KLF14: variants seen among roughly 807,000 people sequenced by gnomAD.
KLF14 encodes the protein Krueppel-like factor 14.
KLF14 carries 13 observed loss-of-function variants against 16.2 expected under a neutral mutation model. That is an observed-to-expected ratio of 0.80 (90% confidence interval 0.52 to 1.28). The LOEUF is 1.28. Among genes scored for constraint, KLF14 ranks in the 50% most tolerant of loss-of-function variants. KLF14 has a pLI of 0.00. For synonymous variants in KLF14, 276 were observed against 233.7 expected (o/e 1.18, Z -1.65); for missense variants, 571 against 493.4 (o/e 1.16, Z -1.49).
At position 130,732,141 on chromosome 7, in the gene KLF14, T is replaced by C. The variant is rs902246412; in HGVS notation, c.*921A>G. 3.3e-5 allele frequency: 5 copies of C among 152,268 alleles called. No individual in the cohort carries two copies. The highest frequency in any genetic ancestry group is 4.8e-5 in the African/African-American group (2 of 41,458). 9.4% of individuals were successfully genotyped at this position (152,268 alleles called of 1,614,324 possible). ...CACGCCTCTATTTCCCTGAAAGTTA[T>C]CAATGGTTATGAGCGGTCTTGTTTC... On this transcript the variant is annotated 3_prime_UTR_variant, in exon 1 of 1. Coordinates refer to ENST00000583337, the MANE Select transcript of KLF14 (RefSeq NM_138693.4).
At position 130,733,945 on chromosome 7, in the gene KLF14, G is replaced by C. The variant is rs1366689775; in HGVS notation, c.89C>G (p.Pro30Arg). 4 of 1,363,128 alleles carry C rather than the reference G, an allele frequency of 2.9e-6. No individual in the cohort carries two copies. Among genetic ancestry groups the C allele is most frequent in the Non-Finnish European group, 3.8e-6 (4 of 1,054,802 alleles). 84.4% of individuals were successfully genotyped at this position (1,363,128 alleles called of 1,614,324 possible). A position where few individuals can be genotyped will look rare whatever the true frequency, so the allele number is the denominator to read the frequency against. Residue 30 changes from proline to arginine, a missense_variant, in exon 1 of 1, where the codon CCG (proline) becomes CGG (arginine). Coordinates refer to ENST00000583337, the MANE Select transcript of KLF14 (RefSeq NM_138693.4). This position sits in a 1 kb window ranked among gnomAD's most constrained non-coding sequence, Gnocchi z 5.2. Reference protein sequence around the residue: ...SAGAVVHRRPPDPEGAGGAAG... With the variant: ...SAGAVVHRRPRDPEGAGGAAG... ...GGCTCCACCCGCGCCCTCGGGGTCC[G>C]GCGGGCGGCGGTGAACCACGGCGCC...
In KLF14 at chr7:130,733,322, G is replaced by T; in HGVS notation, c.712C>A (p.Arg238Ser). ...DWLDCDKKFTRSDELARHYRT... is the reference protein window; with the variant it reads ...DWLDCDKKFTSSDELARHYRT... ...TAGTGGCGGGCCAGCTCGTCGGAAC[G>T]CGTAAACTTCTTGTCGCAGTCGAGC... The change falls in exon 1 of 1, where the codon CGT (arginine) becomes AGT (serine). Residue 238 changes from arginine (R) to serine (S), a missense_variant. Physicochemically the swap from Arg to Ser is moderately radical, Grantham distance 110 (BLOSUM62 -1). Coordinates refer to ENST00000583337, the MANE Select transcript of KLF14 (RefSeq NM_138693.4). The surrounding 1 kb of genome is among the most constrained non-coding windows in gnomAD (Gnocchi z 5.2). 6.2e-7 allele frequency: 1 copy of T among 1,610,298 alleles called. No homozygotes were observed.
rs143448341 is a variant in KLF14 at position 130,731,038 on chromosome 7, C to T, written c.*2024G>A. ...TAGCCTTCATTAGGAAATACTGAAC[C>T]TCTTCAGGGTCATAGGCCATACTCT... On this transcript the variant is annotated 3_prime_UTR_variant, in exon 1 of 1. Transcript: ENST00000583337. Among the ~76,000 whole-genome samples, 1 of 152,306 alleles carries T rather than the reference C, an allele frequency of 6.6e-6. No homozygotes were observed. The highest frequency in any genetic ancestry group is 1.5e-5 in the Non-Finnish European group (1 of 68,032).
Position 130,733,614 on chromosome 7 carries a change from A to G in KLF14, c.420T>C (p.Ala140=), listed in dbSNP as rs1554470976. ...CGGGCGCATCGGAGGAGCTCTCGGG[A>G]GCGCAGACCGCCGCGGCGCCGGAGG... ...APASGAAAVC[A]PESSSDAPAV... The change falls in exon 1 of 1, where the codon GCT becomes GCC. Residue 140 remains alanine, a synonymous_variant. Coordinates refer to ENST00000583337, the MANE Select transcript of KLF14 (RefSeq NM_138693.4). This position sits in a 1 kb window ranked among gnomAD's most constrained non-coding sequence, Gnocchi z 5.2. 1.3e-6 allele frequency: 2 copies of G among 1,540,014 alleles called. No homozygotes were observed. The highest frequency in any genetic ancestry group is 1.2e-5 in the South Asian group (1 of 83,102).
Position 130,733,357 on chromosome 7 carries a change from G to A in KLF14, c.677C>T (p.Ser226Phe), listed in dbSNP as rs782804960. The A allele has an allele frequency of 1.9e-6, 3 of 1,614,032 alleles. No homozygotes were observed. Among genetic ancestry groups the A allele is most frequent in the South Asian group, 1.1e-5 (1 of 91,054 alleles). ...QRTHTGERPF[S>F]CDWLDCDKKF... ...CTTGTCGCAGTCGAGCCAGTCGCAG[G>A]AGAAAGGGCGCTCACCCGTGTGGGT... The change falls in exon 1 of 1, where the codon TCC becomes TTC. Residue 226 changes from serine to phenylalanine, a missense_variant. Ser to Phe is a radical substitution (Grantham distance 155, BLOSUM62 -2). Coordinates refer to ENST00000583337, the MANE Select transcript of KLF14 (RefSeq NM_138693.4). The surrounding 1 kb of genome is among the most constrained non-coding windows in gnomAD (Gnocchi z 5.2).
Position 130,733,305 on chromosome 7 carries a change from G to A in KLF14, c.729C>T (p.Ala243=). The change falls in exon 1 of 1, where the codon GCC becomes GCT. Residue 243 remains alanine (A), a synonymous_variant. Transcript: ENST00000583337. The surrounding 1 kb of genome is among the most constrained non-coding windows in gnomAD (Gnocchi z 5.2). ...DKKFTRSDEL[A]RHYRTHTGEK... ...CGCCCGTGTGCGTCCTGTAGTGGCG[G>A]GCCAGCTCGTCGGAACGCGTAAACT... is the stretch of plus-strand genomic sequence containing the variant. The A allele has an allele frequency of 6.2e-7, 1 of 1,609,068 alleles. No homozygotes were observed. The highest frequency in any genetic ancestry group is 8.5e-7 in the Non-Finnish European group (1 of 1,178,082).
chr7:130,732,753 T>G lies in KLF14; in HGVS notation c.*309A>C. On this transcript the variant is annotated 3_prime_UTR_variant, in exon 1 of 1. Coordinates refer to ENST00000583337, the MANE Select transcript of KLF14 (RefSeq NM_138693.4). ...GAGAATTCCAGTTTCACATCCCTGGTTCCAGGGAGGGGAGAATCTTCAGTA... is the reference window on the plus strand; with the variant it reads ...GAGAATTCCAGTTTCACATCCCTGGGTCCAGGGAGGGGAGAATCTTCAGTA... 1 of 263,210 alleles carries G rather than the reference T, an allele frequency of 3.8e-6. No individual in the cohort carries two copies. Among genetic ancestry groups the G allele is most frequent in the Non-Finnish European group, 7.3e-6 (1 of 137,902 alleles). 16.3% of individuals were successfully genotyped at this position (263,210 alleles called of 1,614,324 possible).
In KLF14 at chr7:130,730,835, T is replaced by G. The variant is rs1554470470; in HGVS notation, c.*2227A>C. Among the ~76,000 whole-genome samples, 1 of 152,162 alleles carries G rather than the reference T, an allele frequency of 6.6e-6. No individual in the cohort carries two copies. ...ACTTACCCAATGGCAGATCTTCAAC[T>G]GAAAAGGACAAAGAGGAAACAGTAG... On this transcript the variant is annotated 3_prime_UTR_variant, in exon 1 of 1. Coordinates refer to ENST00000583337, the MANE Select transcript of KLF14 (RefSeq NM_138693.4).
chr7:130,733,734 G>A lies in KLF14; in HGVS notation c.300C>T (p.Ser100=), dbSNP rs1416813970. 6.5e-7 allele frequency: 1 copy of A among 1,549,630 alleles called. No homozygotes were observed. Among genetic ancestry groups the A allele is most frequent in the Non-Finnish European group, 8.7e-7 (1 of 1,154,770 alleles). ...ADLRGSSGEG[S]WENSGEAPRA... ...GTGGAGCTTCCCCCGAGTTCTCCCAGGAGCCCTCGCCAGAGCTGCCGCGCA... is the reference window on the plus strand; with the variant it reads ...GTGGAGCTTCCCCCGAGTTCTCCCAAGAGCCCTCGCCAGAGCTGCCGCGCA... Residue 100 remains serine, a synonymous_variant, in exon 1 of 1, where the codon TCC becomes TCT. Transcript: ENST00000583337. This position sits in a 1 kb window ranked among gnomAD's most constrained non-coding sequence, Gnocchi z 5.2.
chr7:130,733,145 C>A lies in KLF14; in HGVS notation c.889G>T (p.Asp297Tyr), dbSNP rs1311653588. The A allele has an allele frequency of 1.9e-6, 3 of 1,571,258 alleles. No individual in the cohort carries two copies. The highest frequency in any genetic ancestry group is 1.7e-6 in the Non-Finnish European group (2 of 1,157,614). Residue 297 changes from aspartate (D) to tyrosine (Y), a missense_variant, in exon 1 of 1, where the codon GAC becomes TAC. By Grantham distance (160) the Asp-to-Tyr change is radical (BLOSUM62 -3). Coordinates refer to ENST00000583337, the MANE Select transcript of KLF14 (RefSeq NM_138693.4). The surrounding 1 kb of genome is among the most constrained non-coding windows in gnomAD (Gnocchi z 5.2). Reference protein sequence around the residue: ...YRGRRRTPRIDPPLTSEVESS... With the variant: ...YRGRRRTPRIYPPLTSEVESS... ...TCCACCTCGCTGGTGAGTGGCGGGT[C>A]GATGCGGGGAGTTCGACGACGTCCC... is the stretch of plus-strand genomic sequence containing the variant.
rs1554470881 is a variant in KLF14, at chr7:130,733,427, T to C, written c.607A>G (p.Thr203Ala). 1.2e-6 allele frequency: 2 copies of C among 1,614,062 alleles called. No individual in the cohort carries two copies. The highest frequency in any genetic ancestry group is 4.5e-5 in the East Asian group (2 of 44,854). ...TGCGACGACTTGTAATAGGCTTTGG[T>C]GCAGCCCGGGAAGGGGCATTGGTGG... ...KRHQCPFPGC[T>A]KAYYKSSHLK... is the part of the protein sequence containing the mutation. Residue 203 changes from threonine to alanine, a missense_variant, in exon 1 of 1, where the codon ACC becomes GCC. Coordinates refer to ENST00000583337, the MANE Select transcript of KLF14 (RefSeq NM_138693.4). This position sits in a 1 kb window ranked among gnomAD's most constrained non-coding sequence, Gnocchi z 5.2.
chr7:130,733,755 G>T lies in KLF14; in HGVS notation c.279C>A (p.Arg93=). Residue 93 remains arginine, a synonymous_variant, in exon 1 of 1, where the codon CGC becomes CGA. Transcript: ENST00000583337. The surrounding 1 kb of genome is among the most constrained non-coding windows in gnomAD (Gnocchi z 5.2). ...CCCAGGAGCCCTCGCCAGAGCTGCC[G>T]CGCAAGTCCGCCCAGACGCTTGCAG... is the stretch of plus-strand genomic sequence containing the variant. ...LLAASVWADL[R]GSSGEGSWEN... 1 of 1,531,712 alleles carries T rather than the reference G, an allele frequency of 6.5e-7. No individual in the cohort carries two copies. Among genetic ancestry groups the T allele is most frequent in the Non-Finnish European group, 8.7e-7 (1 of 1,146,838 alleles). 94.9% of individuals were successfully genotyped at this position (1,531,712 alleles called of 1,614,324 possible).
chr7:130,733,894 G>T lies in KLF14; in HGVS notation c.140C>A (p.Pro47Gln), dbSNP rs184537657. Residue 47 changes from proline to glutamine, a missense_variant, in exon 1 of 1, where the codon CCG (proline) becomes CAG (glutamine). By Grantham distance (76) the Pro-to-Gln change is moderately conservative. Transcript: ENST00000583337. This position sits in a 1 kb window ranked among gnomAD's most constrained non-coding sequence, Gnocchi z 5.2. ...CGGACCCGGCAGAGCGGACTCCGGC[G>T]GCGCCGCACCCACCTCCGAGCCAGC... ...GAAGSEVGAA[P>Q]PESALPGPGP... 1,065,906 of 1,332,212 alleles carry T rather than the reference G, an allele frequency of 0.8. 427,927 individuals carry two copies. The highest frequency in any genetic ancestry group is 0.83 in the South Asian group (44,432 of 53,778). 82.5% of individuals were successfully genotyped at this position (1,332,212 alleles called of 1,614,324 possible).
rs557379838 is a variant in KLF14, at chr7:130,732,877, C to A, written c.*185G>T. The A allele has an allele frequency of 8.6e-6, 6 of 696,770 alleles. No individual in the cohort carries two copies. Among genetic ancestry groups the A allele is most frequent in the African/African-American group, 3.6e-5 (2 of 55,854 alleles). 43.2% of individuals were successfully genotyped at this position (696,770 alleles called of 1,614,324 possible). On this transcript the variant is annotated 3_prime_UTR_variant, in exon 1 of 1. Coordinates refer to ENST00000583337, the MANE Select transcript of KLF14 (RefSeq NM_138693.4). ...GATGATATACACGTTGCAAGAATTC[C>A]CGCTATTTTCCGGCCCCCAGTACCT... is the stretch of plus-strand genomic sequence containing the variant.
rs1797216239 is a variant in KLF14 at position 130,732,942 on chromosome 7, C to T, written c.*120G>A. On this transcript the variant is annotated 3_prime_UTR_variant, in exon 1 of 1. Transcript: ENST00000583337. Reference sequence around the variant, plus strand: ...TGTCTGCCTGGACCCACCCTCAGAGCAGAGGAACCAGTCTGTGCCTTGGTG... The same window carrying T: ...TGTCTGCCTGGACCCACCCTCAGAGTAGAGGAACCAGTCTGTGCCTTGGTG... 2 of 1,295,624 alleles carry T rather than the reference C, an allele frequency of 1.5e-6. No homozygotes were observed. Among genetic ancestry groups the T allele is most frequent in the Admixed American group, 2.8e-5 (1 of 35,286 alleles). The allele number at this position is 1,295,624 out of a possible 1,614,324, so 80.3% of individuals were successfully genotyped here.
chr7:130,732,182 T>C lies in KLF14; in HGVS notation c.*880A>G, dbSNP rs1005938779. 6.6e-6 allele frequency: 1 copy of C among 152,280 alleles called. No individual in the cohort carries two copies. Among genetic ancestry groups the C allele is most frequent in the Non-Finnish European group, 1.5e-5 (1 of 68,078 alleles). The allele number at this position is 152,280 out of a possible 1,614,324, so 9.4% of individuals were successfully genotyped here. On this transcript the variant is annotated 3_prime_UTR_variant, in exon 1 of 1. Coordinates refer to ENST00000583337, the MANE Select transcript of KLF14 (RefSeq NM_138693.4). Reference sequence around the variant, plus strand: ...GTCTTGTTTCGGGCCCCGCCCAAACTTAAGGTCGCTTGAGTTTTCTCTCTG... The same window carrying C: ...GTCTTGTTTCGGGCCCCGCCCAAACCTAAGGTCGCTTGAGTTTTCTCTCTG...
At position 130,732,166 on chromosome 7, in the gene KLF14, CG is replaced by C. The variant is rs1249444926; in HGVS notation, c.*895del. On this transcript the variant is annotated 3_prime_UTR_variant, in exon 1 of 1. Transcript: ENST00000583337. ...TCAATGGTTATGAGCGGTCTTGTTT[CG>C]GGCCCCGCCCAAACTTAAGGTCGCT... The C allele has an allele frequency of 6.6e-6, 1 of 152,264 alleles. No individual in the cohort carries two copies. The highest frequency in any genetic ancestry group is 1.5e-5 in the Non-Finnish European group (1 of 68,078). 9.4% of individuals were successfully genotyped at this position (152,264 alleles called of 1,614,324 possible).
chr7:130,733,743 G>A lies in KLF14; in HGVS notation c.291C>T (p.Gly97=), dbSNP rs1554471056. The part of the protein sequence containing the change: ...SVWADLRGSS[G]EGSWENSGEA... The stretch of plus-strand genomic sequence containing the variant: ...CCCCCGAGTTCTCCCAGGAGCCCTC[G>A]CCAGAGCTGCCGCGCAAGTCCGCCC... Residue 97 remains glycine, a synonymous_variant, in exon 1 of 1, where the codon GGC becomes GGT. Transcript: ENST00000583337. This position sits in a 1 kb window ranked among gnomAD's most constrained non-coding sequence, Gnocchi z 5.2. 3 of 1,539,200 alleles carry A rather than the reference G, an allele frequency of 1.9e-6. No homozygotes were observed. In the South Asian group the frequency reaches 3.6e-5, roughly 18 times the overall value.
rs1366689775 is a variant in KLF14, at chr7:130,733,945, G to A, written c.89C>T (p.Pro30Leu). 5.9e-6 allele frequency: 8 copies of A among 1,363,120 alleles called. No individual in the cohort carries two copies. The highest frequency in any genetic ancestry group is 7.6e-6 in the Non-Finnish European group (8 of 1,054,796). 84.4% of individuals were successfully genotyped at this position (1,363,120 alleles called of 1,614,324 possible). ...GGCTCCACCCGCGCCCTCGGGGTCC[G>A]GCGGGCGGCGGTGAACCACGGCGCC... is the stretch of plus-strand genomic sequence containing the variant. The part of the protein sequence containing the change: ...SAGAVVHRRP[P>L]DPEGAGGAAG... The change falls in exon 1 of 1, where the codon CCG becomes CTG. Residue 30 changes from proline (P) to leucine (L), a missense_variant. Coordinates refer to ENST00000583337, the MANE Select transcript of KLF14 (RefSeq NM_138693.4). This position sits in a 1 kb window ranked among gnomAD's most constrained non-coding sequence, Gnocchi z 5.2.
Sources: allele counts gnomAD v4.1 joint callset (sites outside exome capture counted in the v4.1 genomes callset), GRCh38; gene constraint gnomAD v4.1.1; non-coding constraint Gnocchi (gnomAD v3.1); transcripts MANE v1.5; gene names NCBI Gene and HGNC (gene_info 2026-07-23, HGNC 2026-07-21).